Variants in REXO1 observed in about 807,000 individuals in gnomAD.
The protein encoded by REXO1 is REX1, RNA exonuclease 1 homolog.
A neutral mutation model predicts 102.6 loss-of-function variants in REXO1; 42 were observed. The ratio of observed to expected loss-of-function variants is 0.41; its 90% CI spans 0.32 to 0.53. REXO1 has a LOEUF of 0.53. Ranked by LOEUF, REXO1 falls within the 20% of genes least tolerant of loss-of-function variation. The pLI is 0.27. For missense variants in REXO1, 1,819 were observed against 1,732.5 expected (o/e 1.05, Z -0.89); for synonymous variants, 908 against 779.1 (o/e 1.17, Z -2.76).
In REXO1 at chr19:1,827,915, C is replaced by T. The variant is rs1177826637; in HGVS notation, c.874G>A (p.Glu292Lys). ...CDARFSDSED[E>K]AATVPGNEPT... is the part of the protein sequence containing the mutation. ...TCGTTACCTGGGACCGTGGCGGCCT[C>T]ATCTTCTGAGTCTGAGAACCTTGCA... is the stretch of plus-strand genomic sequence containing the variant. The change falls in exon 2 of 16, where the codon GAG becomes AAG. Residue 292 changes from glutamate to lysine, a missense_variant. By Grantham distance (56) the Glu-to-Lys change is moderately conservative. Transcript: ENST00000170168. 6.2e-7 allele frequency: 1 copy of T among 1,613,666 alleles called. No homozygotes were observed. Among genetic ancestry groups the T allele is most frequent in the Non-Finnish European group, 8.5e-7 (1 of 1,179,902 alleles).
At chr19:1,830,393 T>C (rs999227491) in intron 1 of REXO1, among the ~76,000 whole-genome samples, 3 of 152,196 alleles carry the variant, frequency 2.0e-5, no homozygotes, top group African/African-American at 4.8e-5. Flanking sequence ...CCTGTGCTCC[T>C]AGCTATGTGG....
intron 4 of REXO1, chr19:1,822,121 G>A (rs983200487): frequency 1.5e-4 from 59 of 404,852 alleles, no homozygotes; most frequent in African/African-American, 1.1e-3. Flanking sequence ...AGGAGGCCAG[G>A]CCTGCAGGGG....
rs1019819484 is a variant in REXO1, at chr19:1,826,116, G to A, written c.1912-173C>T. Among the ~76,000 whole-genome samples the A allele has an allele frequency of 6.6e-6, 1 of 152,156 alleles. No homozygotes were observed. The highest frequency in any genetic ancestry group is 6.5e-5 in the Admixed American group (1 of 15,286). On this transcript the variant is annotated intron_variant, in intron 2 of 15. Coordinates refer to ENST00000170168, the MANE Select transcript of REXO1 (RefSeq NM_020695.4). The surrounding 1 kb of genome is among the most constrained non-coding windows in gnomAD (Gnocchi z 4.3). ...GGCTTTGTGTGGGTGCAGTCGGAGG[G>A]GTGGGCAGGTGTCACACGTTCTGCA...
intron 11 of REXO1, 103 bp downstream of exon 11, chr19:1,817,604 C>A: frequency 4.8e-6 from 7 of 1,446,242 alleles, no homozygotes; most frequent in South Asian, 1.3e-5. Flanking sequence ...GGGGCCCAGA[C>A]CCTGAGCCCA....
chr19:1,827,747 C>T lies in REXO1; in HGVS notation c.1042G>A (p.Asp348Asn), dbSNP rs750493102. Residue 348 changes from aspartate (D) to asparagine (N), a missense_variant, in exon 2 of 16, where the codon GAC becomes AAC. Asp to Asn is a conservative substitution (Grantham distance 23, BLOSUM62 1). Transcript: ENST00000170168. ...GGCTTGGCTGGGGGCGGCTGGAGGT[C>T]CCCCACGTCGCACTGCACGGCCGTC... ...KETAVQCDVG[D>N]LQPPPAKPAS... 10 of 1,570,154 alleles carry T rather than the reference C, an allele frequency of 6.4e-6. No individual in the cohort carries two copies. The Admixed American group carries it at 1.9e-4, about 30-fold the overall frequency.
rs936440880 is a variant in REXO1, at chr19:1,816,782, C to T, written c.3233G>A (p.Arg1078His). ...CACGTCCGTGTCGACCACCGTGACG[C>T]GCGTCAGCTCCAGGCCATATGTGGT... ...SYTTYGLELT[R>H]VTVVDTDVHV... is the part of the protein sequence containing the mutation. The change falls in exon 13 of 16, where the codon CGC (arginine) becomes CAC (histidine). Residue 1078 changes from arginine (R) to histidine (H), a missense_variant. Transcript: ENST00000170168. The T allele has an allele frequency of 1.9e-6, 3 of 1,612,734 alleles. No homozygotes were observed. The highest frequency in any genetic ancestry group is 1.3e-5 in the African/African-American group (1 of 74,820).
At chr19:1,820,188 G>A in intron 6 of REXO1, 76 bp downstream of exon 6, 2 of 1,563,796 alleles carry the variant, frequency 1.3e-6, no homozygotes, top group Non-Finnish European at 1.7e-6. Flanking sequence ...CGGCTGAGAG[G>A]CCGGGGGATG....
At chr19:1,832,513 C>T (rs2069934372) in intron 1 of REXO1, among the ~76,000 whole-genome samples, 1 of 152,206 alleles carries the variant, frequency 6.6e-6, no homozygotes, top group Non-Finnish European at 1.5e-5. Flanking sequence ...GAGGCCTGGT[C>T]ACGGGCAGCT....
chr19:1,817,990 C>T (rs1187858556), intron 10 of REXO1, among the ~76,000 whole-genome samples: 1 of 152,202 alleles, frequency 6.6e-6, no homozygotes, highest in Non-Finnish European at 1.5e-5. Context: ...AGACCAGTGC[C>T]CTCTGCAGAG....
intron 1 of REXO1, among the ~76,000 whole-genome samples, chr19:1,831,398 C>T (rs970349885): frequency 2.6e-5 from 4 of 152,180 alleles, no homozygotes; most frequent in Admixed American, 1.3e-4. Flanking sequence ...CGTGCTAAGA[C>T]TTCCGTGCAG....
rs138811381 is a variant in REXO1, at chr19:1,827,454, G to A, written c.1335C>T (p.Thr445=). The A allele has an allele frequency of 1.9e-6, 3 of 1,563,938 alleles. No individual in the cohort carries two copies. Among genetic ancestry groups the A allele is most frequent in the Admixed American group, 2.1e-5 (1 of 48,758 alleles). ...KKPSSATPVA[T]SGKGRPDRPA... ...GCCGGTCAGGCCTCCCTTTCCCTGA[G>A]GTGGCCACAGGAGTGGCCGAAGATG... Residue 445 remains threonine (T), a synonymous_variant, in exon 2 of 16, where the codon ACC becomes ACT. Coordinates refer to ENST00000170168, the MANE Select transcript of REXO1 (RefSeq NM_020695.4).
chr19:1,818,747 C>T lies in REXO1; in HGVS notation c.2861G>A (p.Gly954Asp), dbSNP rs936573195. ...YPFPHPERPG[G>D]AIIFTAEEKR... ...CTCCTCAGCTGTGAAGATGATTGCGCCCCCGGGCCGCTCTGGGTGCGGGAA... is the reference window on the plus strand; with the variant it reads ...CTCCTCAGCTGTGAAGATGATTGCGTCCCCGGGCCGCTCTGGGTGCGGGAA... Residue 954 changes from glycine to aspartate, a missense_variant, in exon 9 of 16, where the codon GGC (glycine) becomes GAC (aspartate). By Grantham distance (94) the Gly-to-Asp change is moderately conservative. Transcript: ENST00000170168. 11 of 1,610,678 alleles carry T rather than the reference C, an allele frequency of 6.8e-6. No individual in the cohort carries two copies. Among genetic ancestry groups the T allele is most frequent in the African/African-American group, 2.7e-5 (2 of 74,912 alleles).
At chr19:1,838,560 G>A (rs1306790902) in intron 1 of REXO1, among the ~76,000 whole-genome samples, 2 of 149,968 alleles carry the variant, frequency 1.3e-5, no homozygotes, top group African/African-American at 4.9e-5. Context: ...AGCTACTCGG[G>A]AGGCTGAGGC....
chr19:1,827,006 C>T lies in REXO1; in HGVS notation c.1783G>A (p.Ala595Thr), dbSNP rs1272461275. 2.6e-6 allele frequency: 4 copies of T among 1,551,248 alleles called. No homozygotes were observed. Among genetic ancestry groups the T allele is most frequent in the Non-Finnish European group, 3.5e-6 (4 of 1,148,436 alleles). The change falls in exon 2 of 16, where the codon GCG becomes ACG. Residue 595 changes from alanine to threonine, a missense_variant. Transcript: ENST00000170168. The stretch of plus-strand genomic sequence containing the variant: ...TCCAGGGCCGAGTAGTCCACATCCG[C>T]CCCCGCGCTGGAGGTGGAGGAGGAG... Reference protein sequence around the residue: ...SSSSSTSSAGADVDYSALEKE... With the variant: ...SSSSSTSSAGTDVDYSALEKE...
chr19:1,830,407 G>A (rs1031674676), intron 1 of REXO1, among the ~76,000 whole-genome samples: 2 of 152,228 alleles, frequency 1.3e-5, no homozygotes, highest in African/African-American at 2.4e-5. Flanking sequence ...TATGTGGGAG[G>A]CTAAAGTGGG....
At position 1,826,570 on chromosome 19, in the gene REXO1, G is replaced by C. The variant is rs912396710; in HGVS notation, c.1911+308C>G. ...GGGTGTGCCGGAGGTGGATTCCCCT[G>C]AGGTGGGTGGGTGGGCCAATATCCC... On this transcript the variant is annotated intron_variant, in intron 2 of 15. Transcript: ENST00000170168. The surrounding 1 kb of genome is among the most constrained non-coding windows in gnomAD (Gnocchi z 4.3). 2.0e-5 allele frequency among the ~76,000 whole-genome samples: 3 copies of C among 151,672 alleles called. No individual in the cohort carries two copies. The highest frequency in any genetic ancestry group is 7.3e-5 in the African/African-American group (3 of 41,262).
Position 1,819,074 on chromosome 19 carries a change from G to A in REXO1, c.2708C>T (p.Ala903Val). The change falls in exon 8 of 16, where the codon GCC becomes GTC. Residue 903 changes from alanine to valine, a missense_variant. By Grantham distance (64) the Ala-to-Val change is moderately conservative. Transcript: ENST00000170168. The part of the protein sequence containing the change: ...HEVVLGGRLA[A>V]KTSFSLSRPS... ...ACGGCTGAGCGAGAAGCTGGTCTTG[G>A]CGGCCAACCTGCCCCCCAACACCAC... 6.2e-7 allele frequency: 1 copy of A among 1,600,356 alleles called. No homozygotes were observed. The highest frequency in any genetic ancestry group is 8.5e-7 in the Non-Finnish European group (1 of 1,172,486).
intron 1 of REXO1, among the ~76,000 whole-genome samples, chr19:1,846,472 G>A (rs1599180391): frequency 6.6e-6 from 1 of 152,350 alleles, no homozygotes; most frequent in Non-Finnish European, 1.5e-5. Flanking sequence ...ATGGTAAGAG[G>A]CAGGCAGCTG....
intron 1 of REXO1, among the ~76,000 whole-genome samples, chr19:1,832,788 C>T (rs1448794295): frequency 6.6e-6 from 1 of 151,868 alleles, no homozygotes; most frequent in Non-Finnish European, 1.5e-5. Flanking sequence ...TGGGGGCGTG[C>T]ACCTGTAATC....
Sources: gnomAD v4.1 joint callset for allele counts (sites outside exome capture counted in the v4.1 genomes callset) on GRCh38, gnomAD v4.1.1 for gene constraint, Gnocchi (gnomAD v3.1) non-coding constraint, MANE v1.5 for transcripts, NCBI Gene and HGNC (gene_info 2026-07-23, HGNC 2026-07-21) for gene names.